The following LYRM4 variants were observed in gnomAD, a reference collection of about 807,000 sequenced individuals.
The protein encoded by LYRM4 is LYR motif containing 4.
In LYRM4, 9 loss-of-function variants were observed where a neutral mutation model predicts 11.7. The ratio of observed to expected loss-of-function variants is 0.77; its 90% CI spans 0.46 to 1.34. LYRM4 has a LOEUF of 1.34. Among genes scored for constraint, LYRM4 ranks in the 40% most tolerant of loss-of-function variants. LYRM4 has a pLI of 0.00. For missense variants in LYRM4, 133 were observed against 112.5 expected (o/e 1.18, Z -0.82); for synonymous variants, 42 against 40.4 (o/e 1.04, Z -0.15).
chr6:5,086,420 C>T, the LYRM4 span: 12 of 1,536,368 alleles, frequency 7.8e-6, no homozygotes, highest in Non-Finnish European at 7.8e-6. Flanking sequence ...GGCCTGCAGC[C>T]TGAGGACGAA....
chr6:5,176,361 C>A (rs1304580546), intron 2 of LYRM4, among the ~76,000 whole-genome samples: 1 of 152,176 alleles, frequency 6.6e-6, no homozygotes, highest in Non-Finnish European at 1.5e-5. Context: ...CCGTGCCTGG[C>A]CTACGCTATT....
the LYRM4 span, among the ~76,000 whole-genome samples, chr6:5,064,209 TG>T: frequency 2.1e-4 from 32 of 149,694 alleles, no homozygotes; most frequent in Admixed American, 2.0e-3. Flanking sequence ...AAAAAAAAGG[TG>T]GGAGCAGAAA....
At chr6:5,221,975 T>A (rs1459170429) in intron 1 of LYRM4, among the ~76,000 whole-genome samples, 1 of 152,228 alleles carries the variant, frequency 6.6e-6, no homozygotes, top group African/African-American at 2.4e-5. Context: ...CTTGGGGTTA[T>A]GGTGTGTGTA....
chr6:5,244,131 C>T (rs185108049), intron 1 of LYRM4, among the ~76,000 whole-genome samples: 26 of 152,330 alleles, frequency 1.7e-4, no homozygotes, highest in African/African-American at 4.8e-4. Context: ...AACCATACTT[C>T]GAGTACCCAT....
the LYRM4 span, chr6:5,086,099 G>A: frequency 6.8e-7 from 1 of 1,466,172 alleles, no homozygotes; most frequent in East Asian, 2.8e-5. Flanking sequence ...CAGCTCCCGG[G>A]GCCGAGCGCC....
downstream of LYRM4, among the ~76,000 whole-genome samples, chr6:5,099,231 C>T (rs1339441451): frequency 6.7e-6 from 1 of 150,208 alleles, no homozygotes; most frequent in Non-Finnish European, 1.5e-5. The surrounding 1 kb of genome is among the most constrained non-coding windows in gnomAD (Gnocchi z 4.3). Context: ...AAGACAGGGT[C>T]TCACTCTGTT....
chr6:5,078,748 C>G, the LYRM4 span, among the ~76,000 whole-genome samples: 2 of 151,972 alleles, frequency 1.3e-5, no homozygotes, highest in African/African-American at 4.8e-5. Flanking sequence ...TAAATGGGGC[C>G]TAAGGTGCTA....
chr6:5,152,442 G>A (rs1758141695), intron 2 of LYRM4, among the ~76,000 whole-genome samples: 1 of 152,100 alleles, frequency 6.6e-6, no homozygotes, highest in African/African-American at 2.4e-5. Flanking sequence ...GGGGGCGAGA[G>A]CTGGCTTTTA....
At chr6:5,179,065 CAAAAAAA>C (rs58749743) in intron 2 of LYRM4, among the ~76,000 whole-genome samples, 2 of 103,900 alleles carry the variant, frequency 1.9e-5, no homozygotes, top group Non-Finnish European at 3.9e-5. Context: ...ACCAAAAAAA[CAAAAAAA>C]AAAAAAAAAA....
chr6:5,086,015 T>G, the LYRM4 span: 1 of 1,501,250 alleles, frequency 6.7e-7, no homozygotes. Context: ...CTGGAGCAGC[T>G]CGGGGGGCTG....
chr6:5,089,912 G>C, the LYRM4 span, among the ~76,000 whole-genome samples: 1 of 151,990 alleles, frequency 6.6e-6, no homozygotes, highest in Admixed American at 6.6e-5. Flanking sequence ...GAAATGTAAA[G>C]GTAATAAAAA....
At chr6:5,051,009 G>A in the LYRM4 span, among the ~76,000 whole-genome samples, 1 of 152,082 alleles carries the variant, frequency 6.6e-6, no homozygotes, top group Non-Finnish European at 1.5e-5. Context: ...AACTAAAGGA[G>A]CTAAAAAGTA....
chr6:5,054,214 A>G, the LYRM4 span: 18 of 480,558 alleles, frequency 3.7e-5, no homozygotes, highest in Non-Finnish European at 4.4e-5. Flanking sequence ...CTATTTATCA[A>G]ATGAATGCCT....
chr6:5,064,882 C>G, the LYRM4 span, among the ~76,000 whole-genome samples: 1 of 151,692 alleles, frequency 6.6e-6, no homozygotes, highest in African/African-American at 2.4e-5. Context: ...TAGCTGGATA[C>G]GTTATTTTAA....
chr6:5,243,239 TCAGA>T (rs962528265), intron 1 of LYRM4, among the ~76,000 whole-genome samples: 1 of 152,170 alleles, frequency 6.6e-6, no homozygotes, highest in Non-Finnish European at 1.5e-5. Context: ...CGTCACCGAG[TCAGA>T]CAGTCAGGAC....
intron 2 of LYRM4, among the ~76,000 whole-genome samples, chr6:5,176,353 G>A (rs1232297221): frequency 6.6e-6 from 1 of 152,150 alleles, no homozygotes; most frequent in Non-Finnish European, 1.5e-5. Flanking sequence ...ATGAGCCACC[G>A]TGCCTGGCCT....
intron 1 of LYRM4, among the ~76,000 whole-genome samples, chr6:5,252,688 GTTTTGGT>G (rs1764490307): frequency 6.6e-6 from 1 of 152,096 alleles, no homozygotes; most frequent in Non-Finnish European, 1.5e-5. Context: ...ACGTAATGAA[GTTTTGGT>G]CAATGAGCAA....
At chr6:5,182,717 T>C (rs1760149764) in intron 2 of LYRM4, among the ~76,000 whole-genome samples, 1 of 152,218 alleles carries the variant, frequency 6.6e-6, no homozygotes, top group African/African-American at 2.4e-5. Flanking sequence ...AGAACCACTG[T>C]TTAGACACAT....
the LYRM4 span, among the ~76,000 whole-genome samples, chr6:5,089,989 T>C: frequency 6.9e-6 from 1 of 145,206 alleles, no homozygotes; most frequent in South Asian, 2.2e-4. Context: ...TGAGGAAGTA[T>C]TTAAGAGTGT....
Sources: gnomAD v4.1 joint callset for allele counts (sites outside exome capture counted in the v4.1 genomes callset) on GRCh38, gnomAD v4.1.1 for gene constraint, Gnocchi (gnomAD v3.1) non-coding constraint, MANE v1.5 for transcripts, NCBI Gene and HGNC (gene_info 2026-07-23, HGNC 2026-07-21) for gene names.